The following GPR107 variants were observed in gnomAD, a reference collection of about 807,000 sequenced individuals.
The protein encoded by GPR107 is protein GPR107.
In GPR107, 31 loss-of-function variants were observed where a neutral mutation model predicts 75.5. The ratio of observed to expected loss-of-function variants is 0.41; its 90% CI spans 0.31 to 0.55. The LOEUF (loss-of-function observed/expected upper bound fraction) is 0.55, where lower values mean the gene tolerates loss of function less well. Ranked by LOEUF, GPR107 falls within the 20% of genes least tolerant of loss-of-function variation. The probability of loss-of-function intolerance (pLI) is 0.26; values close to 1 mark genes in which losing one functional copy is unlikely to be tolerated. For missense variants in GPR107, 572 were observed against 665.7 expected, an observed-to-expected ratio of 0.86 and a Z score of 1.55; for synonymous variants, 267 against 251.3, an observed-to-expected ratio of 1.06 and a Z score of -0.59.
Position 130,091,582 on chromosome 9 carries a change from G to A in GPR107, c.729+599G>A, listed in dbSNP as rs139736423. Among the ~76,000 whole-genome samples the A allele has an allele frequency of 9.1e-3, 1,347 of 148,698 alleles. 15 individuals are homozygous for A. Among genetic ancestry groups the A allele is most frequent in the African/African-American group, 0.032 (1,285 of 40,256 alleles). On this transcript the variant is annotated intron_variant, in intron 8 of 17. Transcript: ENST00000347136. ...TCATTCTTGTTGCCCAGGCTGGAGT[G>A]CAATGGCATGATCTTGCCTCACCGC...
intron 1 of GPR107, among the ~76,000 whole-genome samples, chr9:130,063,444 C>T (rs994060985): frequency 6.6e-6 from 1 of 152,228 alleles, no homozygotes; most frequent in Non-Finnish European, 1.5e-5. Context: ...CCCGCCTTGG[C>T]CTCCCAAAGT....
intron 1 of GPR107, among the ~76,000 whole-genome samples, chr9:130,057,667 GTTC>G (rs1422060220): frequency 6.6e-6 from 1 of 151,418 alleles, no homozygotes. Context: ...TCAATTTCTG[GTTC>G]TTATTTTTTA....
intron 7 of GPR107, among the ~76,000 whole-genome samples, chr9:130,087,768 T>G (rs1330040543): frequency 1.5e-5 from 2 of 134,578 alleles, no homozygotes; most frequent in Non-Finnish European, 3.0e-5. Context: ...ATCATGCCAC[T>G]GCACTGCAGC....
At chr9:130,069,169 C>T (rs1048304835) in intron 1 of GPR107, among the ~76,000 whole-genome samples, 3 of 152,236 alleles carry the variant, frequency 2.0e-5, no homozygotes, top group Admixed American at 6.5e-5. Flanking sequence ...AGTTTTAACT[C>T]TGAGCCTCTG....
At chr9:130,121,449 G>A (rs1255149550) in intron 14 of GPR107, among the ~76,000 whole-genome samples, 2 of 152,220 alleles carry the variant, frequency 1.3e-5, no homozygotes, top group East Asian at 1.9e-4. Context: ...TTGCTTTAGA[G>A]GTTCCCTGGG....
Position 130,090,868 on chromosome 9 carries a change from A to G in GPR107, c.622-8A>G, listed in dbSNP as rs1475008659. The G allele has an allele frequency of 9.7e-7, 1 of 1,030,080 alleles. No individual in the cohort carries two copies. The allele number at this position is 1,030,080 out of a possible 1,614,324, so 63.8% of individuals were successfully genotyped here. A position where few individuals can be genotyped will look rare whatever the true frequency, so the allele number is the denominator to read the frequency against. On this transcript the variant is annotated splice_polypyrimidine_tract_variant and splice_region_variant and intron_variant, in intron 7 of 17. Transcript: ENST00000347136. ...GGTACCTTTAAATGTTTTCTTCTTCACTTTCAGTTTTTCTTTAACATCAGC... is the reference window on the plus strand; with the variant it reads ...GGTACCTTTAAATGTTTTCTTCTTCGCTTTCAGTTTTTCTTTAACATCAGC...
At chr9:130,067,353 T>G (rs890104445) in intron 1 of GPR107, among the ~76,000 whole-genome samples, 2 of 152,204 alleles carry the variant, frequency 1.3e-5, no homozygotes, top group African/African-American at 2.4e-5. Context: ...TTTATTCGAC[T>G]CCTCGTAGCA....
intron 1 of GPR107, among the ~76,000 whole-genome samples, chr9:130,062,648 GCCTGCCTGCCTGCCTTCCTTCCTTCCTT>G (rs1423986463): frequency 4.7e-4 from 45 of 95,416 alleles, no homozygotes; most frequent in Non-Finnish European, 7.2e-4. Flanking sequence ...CTGCCTGCCT[GCCTGCCTGCCTGCCTTCCTTCCTTCCTT>G]CCTTCCTTCC....
chr9:130,134,898 C>T (rs1831912413), intron 17 of GPR107, 127 bp from the exon 18 acceptor site: 1 of 688,550 alleles, frequency 1.5e-6, no homozygotes, highest in Non-Finnish European at 2.6e-6. Context: ...CCAGGAATCA[C>T]ACTTAGATTT....
intron 5 of GPR107, among the ~76,000 whole-genome samples, chr9:130,081,059 A>C (rs1830484886): frequency 6.6e-6 from 1 of 151,900 alleles, no homozygotes; most frequent in South Asian, 2.1e-4. Flanking sequence ...AATAAAAATA[A>C]AAAAATTAGC....
At chr9:130,063,087 G>A (rs535430506) in intron 1 of GPR107, among the ~76,000 whole-genome samples, 15 of 152,312 alleles carry the variant, frequency 9.8e-5, no homozygotes, top group African/African-American at 3.1e-4. Context: ...AGTGTACACT[G>A]TAAATGATCT....
At chr9:130,066,747 A>G (rs1172072882) in intron 1 of GPR107, among the ~76,000 whole-genome samples, 6 of 152,124 alleles carry the variant, frequency 3.9e-5, no homozygotes, top group Admixed American at 6.6e-5. Flanking sequence ...GCACTTTGGG[A>G]GGCCGAGGCA....
At chr9:130,087,787 C>A (rs1239831643) in intron 7 of GPR107, among the ~76,000 whole-genome samples, 4 of 107,602 alleles carry the variant, frequency 3.7e-5, no homozygotes, top group African/African-American at 1.5e-4. Flanking sequence ...GCCTGGGTGA[C>A]AGAGTGAGAC....
At chr9:130,107,707 GAGA>G (rs899268969) in intron 14 of GPR107, among the ~76,000 whole-genome samples, 168 bp downstream of exon 14, 3 of 152,198 alleles carry the variant, frequency 2.0e-5, no homozygotes, top group African/African-American at 7.2e-5. Context: ...GGGTAGTTTG[GAGA>G]AGGAGGTGTT....
intron 1 of GPR107, among the ~76,000 whole-genome samples, chr9:130,069,607 C>A (rs1055251640): frequency 6.6e-6 from 1 of 152,124 alleles, no homozygotes; most frequent in Non-Finnish European, 1.5e-5. Flanking sequence ...TGACATGACA[C>A]GATAGCTTAA....
chr9:130,098,263 C>T (rs111888119), intron 9 of GPR107, among the ~76,000 whole-genome samples: 2 of 152,032 alleles, frequency 1.3e-5, no homozygotes, highest in Admixed American at 6.6e-5. Flanking sequence ...GCCCGGCAGC[C>T]GAAAGGTGGA....
chr9:130,084,597 G>A (rs1443600895), intron 6 of GPR107, among the ~76,000 whole-genome samples: 1 of 151,700 alleles, frequency 6.6e-6, no homozygotes, highest in African/African-American at 2.4e-5. Flanking sequence ...GGGCTACATG[G>A]CGAAACCTTA....
intron 1 of GPR107, among the ~76,000 whole-genome samples, chr9:130,063,643 C>T (rs1829986618): frequency 6.6e-6 from 1 of 152,004 alleles, no homozygotes; most frequent in Non-Finnish European, 1.5e-5. Flanking sequence ...CAGTGTGCTT[C>T]CTTCTGAAAA....
At chr9:130,108,798 G>C (rs1278252648) in intron 14 of GPR107, 1 of 455,044 alleles carries the variant, frequency 2.2e-6, no homozygotes, top group Admixed American at 2.4e-5. Flanking sequence ...TCCCTCTGGA[G>C]TGTCCTCTTG....
Sources: gnomAD v4.1 joint callset for allele counts (sites outside exome capture counted in the v4.1 genomes callset) on GRCh38, gnomAD v4.1.1 for gene constraint, MANE v1.5 for transcripts, NCBI Gene and HGNC (gene_info 2026-07-23, HGNC 2026-07-21) for gene names.